The following SPNS2 variants were observed in gnomAD, a reference collection of about 807,000 sequenced individuals.
SPNS2 encodes the protein sphingosine-1-phosphate transporter SPNS2.
SPNS2 carries 37 observed loss-of-function variants against 57.6 expected under a neutral mutation model. That is an observed-to-expected ratio of 0.64 (90% CI 0.49 to 0.85). The LOEUF is 0.85. Among genes scored for constraint, SPNS2 ranks in the 40% least tolerant of loss-of-function variants. SPNS2 has a pLI of 0.00. For synonymous variants in SPNS2, 440 were observed against 346.9 expected, an observed-to-expected ratio of 1.27 and a Z score of -2.98; for missense variants, 831 against 779.1, an observed-to-expected ratio of 1.07 and a Z score of -0.79.
Position 4,525,107 on chromosome 17 carries a change from G to A in SPNS2, c.487G>A (p.Asp163Asn), listed in dbSNP as rs1905231333. Residue 163 changes from aspartate (D) to asparagine (N), a missense_variant, in exon 3 of 13, where the codon GAC (aspartate) becomes AAC (asparagine). This residue lies in a region of SPNS2 where 305 missense variants were observed against 378.3 expected (regional missense o/e 0.81). Coordinates refer to ENST00000329078, the MANE Select transcript of SPNS2 (RefSeq NM_001124758.3). ...VAAPIFGYLGDRFNRKVILSC... is the reference protein window; with the variant it reads ...VAAPIFGYLGNRFNRKVILSC... ...TGCCCCCATCTTCGGCTACCTGGGCGACCGCTTCAACAGGAAGGTGATTCT... is the reference window on the plus strand; with the variant it reads ...TGCCCCCATCTTCGGCTACCTGGGCAACCGCTTCAACAGGAAGGTGATTCT... 1.2e-6 allele frequency: 2 copies of A among 1,614,156 alleles called. No homozygotes were observed. The highest frequency in any genetic ancestry group is 1.7e-6 in the Non-Finnish European group (2 of 1,180,020).
In SPNS2 at chr17:4,515,146, C is replaced by T. The variant is rs538515218; in HGVS notation, c.436+1834C>T. On this transcript the variant is annotated intron_variant, in intron 2 of 12. Coordinates refer to ENST00000329078, the MANE Select transcript of SPNS2 (RefSeq NM_001124758.3). The stretch of plus-strand genomic sequence containing the variant: ...TGTGAGGGTTCCCTGGTTCTTTCTG[C>T]GGTTCTGTCCCAGGCTGGCTTCTCG... Among the ~76,000 whole-genome samples, 32 of 152,216 alleles carry T rather than the reference C, an allele frequency of 2.1e-4. 1 individual carries two copies. The highest frequency in any genetic ancestry group is 1.8e-3 in the Admixed American group (27 of 15,294).
intron 9 of SPNS2, among the ~76,000 whole-genome samples, chr17:4,535,835 T>G (rs1225076079): frequency 7.7e-6 from 1 of 130,320 alleles, no homozygotes; most frequent in Admixed American, 8.0e-5. Context: ...CAGCTGTGTG[T>G]GGGTGGGAGG....
intron 2 of SPNS2, among the ~76,000 whole-genome samples, chr17:4,522,129 G>A (rs1464308754): frequency 1.3e-5 from 2 of 152,208 alleles, no homozygotes; most frequent in African/African-American, 4.8e-5. Context: ...AACCCGGGAG[G>A]CAGAGATTGC....
chr17:4,518,552 A>G (rs1449843572), intron 2 of SPNS2, among the ~76,000 whole-genome samples: 1 of 152,140 alleles, frequency 6.6e-6, no homozygotes, highest in Non-Finnish European at 1.5e-5. Flanking sequence ...ACAAACAAAA[A>G]AGATGTGTGT....
intron 1 of SPNS2, among the ~76,000 whole-genome samples, chr17:4,507,940 T>C (rs1455974492): frequency 1.3e-5 from 2 of 152,172 alleles, no homozygotes; most frequent in Admixed American, 1.3e-4. Context: ...GTCAGCAGAT[T>C]GGGCCTGGCT....
In SPNS2 at chr17:4,533,142, G is replaced by A. The variant is rs775388707; in HGVS notation, c.1088+13G>A. 1.8e-5 allele frequency: 29 copies of A among 1,601,840 alleles called. No homozygotes were observed. The African/African-American group carries it at 2.0e-4, about 11-fold the overall frequency. The stretch of plus-strand genomic sequence containing the variant: ...GGGCCAAGGACAGGTGGGGCCCCGC[G>A]GGGTGGGCCCAGGGCTGGTGAGGGA... On this transcript the variant is annotated intron_variant, in intron 7 of 12. Transcript: ENST00000329078.
chr17:4,532,124 GTCTA>G (rs1017469284), intron 5 of SPNS2, among the ~76,000 whole-genome samples: 34 of 151,410 alleles, frequency 2.2e-4, no homozygotes, highest in Admixed American at 1.2e-3. Flanking sequence ...CCATCCGTCC[GTCTA>G]TCTATCCGTT....
At chr17:4,524,761 GA>G (rs1905222826) in intron 2 of SPNS2, among the ~76,000 whole-genome samples, 1 of 152,222 alleles carries the variant, frequency 6.6e-6, no homozygotes, top group South Asian at 2.1e-4. Context: ...GTGGCATGTA[GA>G]AAGTGTTCAA....
chr17:4,534,164 G>A (rs527504435), intron 9 of SPNS2, among the ~76,000 whole-genome samples: 13 of 152,290 alleles, frequency 8.5e-5, no homozygotes, highest in Admixed American at 3.3e-4. Context: ...CTGCCTGCCC[G>A]CCCTCCTCCC....
At chr17:4,527,949 CA>C (rs34927238) in intron 3 of SPNS2, among the ~76,000 whole-genome samples, 71,673 of 128,540 alleles carry the variant, frequency 0.56, 18,739 homozygotes, top group East Asian at 0.97. Flanking sequence ...CTGGAATAGC[CA>C]AAAAAAAAAA....
chr17:4,539,034 C>A lies in SPNS2; in HGVS notation c.*1586C>A. 1 of 899,326 alleles carries A rather than the reference C, an allele frequency of 1.1e-6. No homozygotes were observed. The highest frequency in any genetic ancestry group is 2.4e-5 in the East Asian group (1 of 41,760). The allele number at this position is 899,326 out of a possible 1,614,324, so 55.7% of individuals were successfully genotyped here. On this transcript the variant is annotated 3_prime_UTR_variant, in exon 13 of 13. Coordinates refer to ENST00000329078, the MANE Select transcript of SPNS2 (RefSeq NM_001124758.3). ...AATGAAGAAATAAACCTATTTAAAT[C>A]ACCCCCTGGTGGCTCCCTCACAGCA...
intron 2 of SPNS2, among the ~76,000 whole-genome samples, chr17:4,517,804 A>G (rs1905034348): frequency 6.6e-6 from 1 of 152,266 alleles, no homozygotes; most frequent in African/African-American, 2.4e-5. Flanking sequence ...AAAGGATAGG[A>G]CTTGTAAGAC....
chr17:4,539,027 T>TTTAAATCACCCCC (rs745852060), exon 13 of SPNS2: 5 of 871,146 alleles, frequency 5.7e-6, no homozygotes, highest in Non-Finnish European at 1.0e-5. Flanking sequence ...AATAAACCTA[T>TTTAAATCACCCCC]TTAAATCACC....
At position 4,535,987 on chromosome 17, in the gene SPNS2, G is replaced by A. The variant is rs11078514; in HGVS notation, c.1345-89G>A. On this transcript the variant is annotated intron_variant, in intron 9 of 12. Coordinates refer to ENST00000329078, the MANE Select transcript of SPNS2 (RefSeq NM_001124758.3). ...AGGGCAGGAGTGAGTCTGAGGGTGT[G>A]GGGGCTTCAGAAGTGCCACGGCCCG... The A allele has an allele frequency of 0.18, 196,686 of 1,076,418 alleles. 21,735 individuals are homozygous for A. Among genetic ancestry groups the A allele is most frequent in the East Asian group, 0.54 (21,458 of 40,090 alleles). 66.7% of individuals were successfully genotyped at this position (1,076,418 alleles called of 1,614,324 possible).
At chr17:4,533,460 G>C in intron 8 of SPNS2, 28 bp downstream of exon 8, 1 of 1,564,546 alleles carries the variant, frequency 6.4e-7, no homozygotes. Flanking sequence ...CAAGGGTGCT[G>C]GGGGAGCTGG....
At chr17:4,519,877 A>G (rs1396634186) in intron 2 of SPNS2, among the ~76,000 whole-genome samples, 1 of 152,028 alleles carries the variant, frequency 6.6e-6, no homozygotes, top group Non-Finnish European at 1.5e-5. Context: ...TGCCAGGAAC[A>G]TTCTCTCAGC....
At chr17:4,526,999 C>G (rs1362498744) in intron 3 of SPNS2, among the ~76,000 whole-genome samples, 1 of 152,212 alleles carries the variant, frequency 6.6e-6, no homozygotes, top group Non-Finnish European at 1.5e-5. Context: ...CCCCTGGTCA[C>G]CAACCTCTGA....
chr17:4,536,254 T>C lies in SPNS2; in HGVS notation c.1444-9T>C. 8 of 1,611,110 alleles carry C rather than the reference T, an allele frequency of 5.0e-6. No individual in the cohort carries two copies. The highest frequency in any genetic ancestry group is 6.8e-6 in the Non-Finnish European group (8 of 1,179,274). Reference sequence around the variant, plus strand: ...CTCTGCCCTGACATCCACCCCCAAATCCTCGCAGATCTCAGACCTGATCCG... The same window carrying C: ...CTCTGCCCTGACATCCACCCCCAAACCCTCGCAGATCTCAGACCTGATCCG... On this transcript the variant is annotated splice_polypyrimidine_tract_variant and intron_variant, in intron 10 of 12. Coordinates refer to ENST00000329078, the MANE Select transcript of SPNS2 (RefSeq NM_001124758.3).
intron 3 of SPNS2, among the ~76,000 whole-genome samples, chr17:4,527,996 G>A (rs573037177): frequency 6.6e-6 from 1 of 150,948 alleles, no homozygotes; most frequent in East Asian, 1.9e-4. Flanking sequence ...CACTGGGTGT[G>A]CACAGATTAA....
Sources: gnomAD v4.1 joint callset for allele counts (sites outside exome capture counted in the v4.1 genomes callset) on GRCh38, gnomAD v4.1.1 for gene constraint, gnomAD v4.1.1 regional missense constraint, MANE v1.5 for transcripts, NCBI Gene and HGNC (gene_info 2026-07-23, HGNC 2026-07-21) for gene names.